C1R: variants seen among roughly 807,000 people sequenced by gnomAD.
C1R encodes the protein complement C1r.
In C1R, 15 loss-of-function variants were observed where a neutral mutation model predicts 27.6. The observed-to-expected ratio is 0.54, with a 90% confidence interval of 0.36 to 0.84. The LOEUF (loss-of-function observed/expected upper bound fraction) is 0.84, where lower values mean the gene tolerates loss of function less well. C1R is among the 40% of genes least tolerant of loss of function. C1R has a pLI of 0.01. For missense variants in C1R, 544 were observed against 577.9 expected (o/e 0.94, Z 0.60); for synonymous variants, 253 against 228.8 (o/e 1.11, Z -0.95).
chr12:7,080,441 G>A lies in C1R; in HGVS notation c.*91C>T. The stretch of plus-strand genomic sequence containing the variant: ...TTTCTGCATCAGTAATTTTAATAGA[G>A]ACTCTTAGTGGTTATCAACAACTGG... On this transcript the variant is annotated 3_prime_UTR_variant, in exon 11 of 11. Coordinates refer to ENST00000647956, the MANE Select transcript of C1R (RefSeq NM_001733.7). This position sits in a 1 kb window ranked among gnomAD's most constrained non-coding sequence, Gnocchi z 4.9. 1 of 1,481,728 alleles carries A rather than the reference G, an allele frequency of 6.7e-7. No individual in the cohort carries two copies. Among genetic ancestry groups the A allele is most frequent in the Non-Finnish European group, 8.9e-7 (1 of 1,117,434 alleles). The allele number at this position is 1,481,728 out of a possible 1,614,324, so 91.8% of individuals were successfully genotyped here. A position where few individuals can be genotyped will look rare whatever the true frequency, so the allele number is the denominator to read the frequency against.
In C1R at chr12:7,091,690, C is replaced by T. The variant is rs377326804; in HGVS notation, c.3-10G>A. 766 of 726,562 alleles carry T rather than the reference C, an allele frequency of 1.1e-3. 1 individual carries two copies. Among genetic ancestry groups the T allele is most frequent in the Non-Finnish European group, 1.6e-3 (630 of 389,658 alleles). The allele number at this position is 726,562 out of a possible 1,614,324, so 45.0% of individuals were successfully genotyped here. Reference sequence around the variant, plus strand: ...GAGGTACAAGAGCCACCTGCCAAAACAAAAGAGAGTATCTGGAGCTGGAGG... The same window carrying T: ...GAGGTACAAGAGCCACCTGCCAAAATAAAAGAGAGTATCTGGAGCTGGAGG... On this transcript the variant is annotated splice_polypyrimidine_tract_variant and intron_variant, in intron 1 of 10. Coordinates refer to ENST00000647956, the MANE Select transcript of C1R (RefSeq NM_001733.7). The surrounding 1 kb of genome is among the most constrained non-coding windows in gnomAD (Gnocchi z 5.1).
At chr12:7,090,456 G>T in intron 2 of C1R, 2 of 585,018 alleles carry the variant, frequency 3.4e-6, no homozygotes, top group Non-Finnish European at 6.1e-6. Context: ...CACTCTTTGC[G>T]TGTTGTCCTG....
chr12:7,089,971 T>C (rs1938235427), intron 3 of C1R, 85 bp downstream of exon 3: 1 of 700,654 alleles, frequency 1.4e-6, no homozygotes, highest in East Asian at 2.7e-5. Flanking sequence ...GGCTTTCGGC[T>C]TCTTTGCATT....
chr12:7,080,243 T>G lies in C1R; in HGVS notation c.*289A>C. Reference sequence around the variant, plus strand: ...CTGGCATTTCTCATAAAACTTTATTTGGAAAAAGTTATATTCAATGACCCA... The same window carrying G: ...CTGGCATTTCTCATAAAACTTTATTGGGAAAAAGTTATATTCAATGACCCA... On this transcript the variant is annotated 3_prime_UTR_variant, in exon 11 of 11. Coordinates refer to ENST00000647956, the MANE Select transcript of C1R (RefSeq NM_001733.7). This position sits in a 1 kb window ranked among gnomAD's most constrained non-coding sequence, Gnocchi z 4.9. 2 of 1,068,650 alleles carry G rather than the reference T, an allele frequency of 1.9e-6. No homozygotes were observed. The highest frequency in any genetic ancestry group is 2.3e-6 in the Non-Finnish European group (2 of 880,614). 66.2% of individuals were successfully genotyped at this position (1,068,650 alleles called of 1,614,324 possible). A position where few individuals can be genotyped will look rare whatever the true frequency, so the allele number is the denominator to read the frequency against.
intron 3 of C1R, 137 bp downstream of exon 3, chr12:7,089,919 C>T (rs1389619877): frequency 4.3e-6 from 3 of 701,984 alleles, no homozygotes; most frequent in South Asian, 1.5e-5. Flanking sequence ...TGACAGGCCT[C>T]GTTAGGAAAA....
chr12:7,082,000 C>T (rs1048611911), intron 10 of C1R, 32 bp downstream of exon 10: 1 of 1,531,912 alleles, frequency 6.5e-7, no homozygotes, highest in East Asian at 2.4e-5. Context: ...TGCTAAAGAC[C>T]CTGATGATGG....
At chr12:7,090,290 G>A (rs985102890) in intron 2 of C1R, 42 bp from the exon 3 acceptor site, 9 of 702,742 alleles carry the variant, frequency 1.3e-5, no homozygotes, top group Middle Eastern at 2.7e-4. Context: ...GATCTGTTGC[G>A]GAGTGGCGCA....
At position 7,081,188 on chromosome 12, in the gene C1R, C is replaced by T; in HGVS notation, c.1462G>A (p.Gly488Ser). The T allele has an allele frequency of 3.7e-6, 6 of 1,613,796 alleles. No individual in the cohort carries two copies. The highest frequency in any genetic ancestry group is 4.2e-6 in the Non-Finnish European group (5 of 1,179,772). ...QVFTNIHGRG[G>S]GALLGDRWIL... ...CAGCGGTCGCCCAGCAGGGCCCCGCCCCCGCGCCCGTGGATGTTGGTGAAC... is the reference window on the plus strand; with the variant it reads ...CAGCGGTCGCCCAGCAGGGCCCCGCTCCCGCGCCCGTGGATGTTGGTGAAC... The change falls in exon 11 of 11, where the codon GGC becomes AGC. Residue 488 changes from glycine (G) to serine (S), a missense_variant. By Grantham distance (56) the Gly-to-Ser change is moderately conservative. Around this residue, in one of 2 missense-constraint regions of C1R, gnomAD observed 253 missense variants for 368.9 expected, o/e 0.69. Coordinates refer to ENST00000647956, the MANE Select transcript of C1R (RefSeq NM_001733.7).
rs1938034667 is a variant in C1R, at chr12:7,080,535, G to A, written c.2115C>T (p.Asp705=). 2 of 1,558,596 alleles carry A rather than the reference G, an allele frequency of 1.3e-6. No homozygotes were observed. Among genetic ancestry groups the A allele is most frequent in the African/African-American group, 1.4e-5 (1 of 73,374 alleles). ...TCGAACCTAGTGAATTCTGGGCTCA[G>A]TCCTCCTCCTCCATCTCTTTCTTGA... is the stretch of plus-strand genomic sequence containing the variant. ...DWIKKEMEEE[D] The change falls in exon 11 of 11, where the codon GAC becomes GAT. Residue 705 remains aspartate, a synonymous_variant. Transcript: ENST00000647956. This position sits in a 1 kb window ranked among gnomAD's most constrained non-coding sequence, Gnocchi z 4.9.
In C1R at chr12:7,091,509, G is replaced by A. The variant is rs1352461103; in HGVS notation, c.174C>T (p.Leu58=). The A allele has an allele frequency of 3.9e-6, 3 of 778,488 alleles. No individual in the cohort carries two copies. Among genetic ancestry groups the A allele is most frequent in the East Asian group, 4.9e-5 (2 of 41,150 alleles). 48.2% of individuals were successfully genotyped at this position (778,488 alleles called of 1,614,324 possible). The change falls in exon 2 of 11, where the codon CTC becomes CTT. Residue 58 remains leucine, a synonymous_variant. Coordinates refer to ENST00000647956, the MANE Select transcript of C1R (RefSeq NM_001733.7). The surrounding 1 kb of genome is among the most constrained non-coding windows in gnomAD (Gnocchi z 5.1). ...ITVPTGYRVK[L]VFQQFDLEPS... ...GCTCCAGGTCAAACTGCTGGAAGACGAGCTTCACCCTGTATCCCGTGGGGA... is the reference window on the plus strand; with the variant it reads ...GCTCCAGGTCAAACTGCTGGAAGACAAGCTTCACCCTGTATCCCGTGGGGA...
chr12:7,088,154 C>T lies in C1R; in HGVS notation c.1038+456G>A, dbSNP rs145440770. Among the ~76,000 whole-genome samples, 328 of 152,254 alleles carry T rather than the reference C, an allele frequency of 2.2e-3. 2 individuals are homozygous for T. Among genetic ancestry groups the T allele is most frequent in the African/African-American group, 7.6e-3 (316 of 41,558 alleles). ...GACGAGTCACTACATCTCCACCCTG[C>T]CTTTTCAGTTCCTTCAGCTCTCTTG... On this transcript the variant is annotated intron_variant, in intron 7 of 10. Transcript: ENST00000647956.
chr12:7,089,620 A>T lies in C1R; in HGVS notation c.538T>A (p.Tyr180Asn). Residue 180 changes from tyrosine to asparagine, a missense_variant, in exon 4 of 11, where the codon TAT (tyrosine) becomes AAT (asparagine). Coordinates refer to ENST00000647956, the MANE Select transcript of C1R (RefSeq NM_001733.7). ...GGYFCSCRPG[Y>N]ELQEDRHSCQ... is the part of the protein sequence containing the mutation. ...GAATGCCTGTCTTCCTGAAGCTCAT[A>T]GCCTGGACGGCAGGAACAGAAGTAG... The T allele has an allele frequency of 1.3e-6, 1 of 780,910 alleles. No individual in the cohort carries two copies. The allele number at this position is 780,910 out of a possible 1,614,324, so 48.4% of individuals were successfully genotyped here.
chr12:7,086,703 C>A, intron 7 of C1R: 1 of 345,516 alleles, frequency 2.9e-6, no homozygotes, highest in Non-Finnish European at 5.2e-6. Context: ...TAGACCTGAT[C>A]ATCCTCTCTC....
chr12:7,090,380 G>T (rs1938248846), intron 2 of C1R, 132 bp from the exon 3 acceptor site: 5 of 607,782 alleles, frequency 8.2e-6, no homozygotes, highest in Middle Eastern at 4.4e-4. Context: ...GTCACTACCT[G>T]CTGGGCTCAG....
Position 7,091,967 on chromosome 12 carries a change from C to T in C1R, c.3-287G>A. On this transcript the variant is annotated intron_variant, in intron 1 of 10. Transcript: ENST00000647956. This position sits in a 1 kb window ranked among gnomAD's most constrained non-coding sequence, Gnocchi z 5.1. ...CCCTGCCCGGACGCGTCCCTCCCCT[C>T]CCCTTCCAGGAATAGGACTGGCTTG... The T allele has an allele frequency of 1.6e-6, 1 of 610,424 alleles. No individual in the cohort carries two copies. The highest frequency in any genetic ancestry group is 1.7e-5 in the South Asian group (1 of 57,908). The allele number at this position is 610,424 out of a possible 1,614,324, so 37.8% of individuals were successfully genotyped here.
rs961888868 is a variant in C1R, at chr12:7,088,877, C to T, written c.878G>A (p.Gly293Glu). 1.3e-6 allele frequency: 1 copy of T among 777,154 alleles called. No homozygotes were observed. Among genetic ancestry groups the T allele is most frequent in the African/African-American group, 1.7e-5 (1 of 59,066 alleles). 48.1% of individuals were successfully genotyped at this position (777,154 alleles called of 1,614,324 possible). A position where few individuals can be genotyped will look rare whatever the true frequency, so the allele number is the denominator to read the frequency against. ...GCGCAGCTTCCAGCCCCGGCTGTCCCCCGACTCATCTGTGAAGAACAGCAG... is the reference window on the plus strand; with the variant it reads ...GCGCAGCTTCCAGCCCCGGCTGTCCTCCGACTCATCTGTGAAGAACAGCAG... ...VDLLFFTDESGDSRGWKLRYT... is the reference protein window; with the variant it reads ...VDLLFFTDESEDSRGWKLRYT... The change falls in exon 6 of 11, where the codon GGG (glycine) becomes GAG (glutamate). Residue 293 changes from glycine (G) to glutamate (E), a missense_variant. Around this residue, in one of 2 missense-constraint regions of C1R, gnomAD observed 291 missense variants for 209.0 expected, o/e 1.39. Coordinates refer to ENST00000647956, the MANE Select transcript of C1R (RefSeq NM_001733.7).
At chr12:7,086,040 T>A (rs1357152641) in intron 8 of C1R, 24 bp from the exon 9 acceptor site, 3 of 398,406 alleles carry the variant, frequency 7.5e-6, no homozygotes, top group Admixed American at 4.4e-5. Flanking sequence ...CAGGGCAGGG[T>A]GAGAGCTGAG....
intron 9 of C1R, among the ~76,000 whole-genome samples, chr12:7,085,433 A>ATGC (rs1312826619): frequency 8.7e-4 from 125 of 143,200 alleles, no homozygotes; most frequent in Non-Finnish European, 1.5e-3. Context: ...GGTGTTGGTA[A>ATGC]TGGTGGTGAT....
At chr12:7,081,954 T>C in intron 10 of C1R, 78 bp downstream of exon 10, 1 of 1,242,344 alleles carries the variant, frequency 8.0e-7, no homozygotes. Flanking sequence ...TCTCTCTCCT[T>C]TTTCTGGGCC....
Sources: gnomAD v4.1 joint callset for allele counts (sites outside exome capture counted in the v4.1 genomes callset) on GRCh38, gnomAD v4.1.1 for gene constraint, gnomAD v4.1.1 regional missense constraint, Gnocchi (gnomAD v3.1) non-coding constraint, MANE v1.5 for transcripts, NCBI Gene and HGNC (gene_info 2026-07-23, HGNC 2026-07-21) for gene names.